Variants in NAV2 observed in about 807,000 individuals in gnomAD.
NAV2 encodes neuron navigator 2.
Under a neutral mutation model 223.2 loss-of-function variants are expected in NAV2, and 54 were observed. The observed-to-expected ratio is 0.24, with a 90% CI of 0.19 to 0.30. The LOEUF (loss-of-function observed/expected upper bound fraction) is 0.30, where lower values mean the gene tolerates loss of function less well. Ranked by LOEUF, NAV2 falls within the 10% of genes least tolerant of loss-of-function variation. NAV2 has a pLI of 1.00. For missense variants in NAV2, 2,806 were observed against 3,147.5 expected, an observed-to-expected ratio of 0.89 and a Z score of 2.60; for synonymous variants, 1,279 against 1,239.3, an observed-to-expected ratio of 1.03 and a Z score of -0.67.
rs1025282352 is a variant in NAV2, at chr11:19,795,617, G to A, written c.268-36867G>A. On this transcript the variant is annotated intron_variant, in intron 1 of 37. Transcript: ENST00000349880. ...GTGAAACAGAGATTTATAAAGTAAG[G>A]CTAACTCTTATTGATCAGAGAGAAA... Among the ~76,000 whole-genome samples the A allele has an allele frequency of 4.1e-4, 62 of 152,294 alleles. 2 individuals carry two copies. Among genetic ancestry groups the A allele is most frequent in the Admixed American group, 2.9e-3 (45 of 15,294 alleles).
At chr11:19,788,200 T>C (rs182595924) in intron 1 of NAV2, among the ~76,000 whole-genome samples, 2 of 152,300 alleles carry the variant, frequency 1.3e-5, no homozygotes, top group Admixed American at 6.5e-5. Context: ...TATTGCAGGA[T>C]GTTTAGCAAC....
At chr11:19,421,395 G>A (rs944143008) in intron 1 of NAV2, among the ~76,000 whole-genome samples, 23 of 152,140 alleles carry the variant, frequency 1.5e-4, no homozygotes, top group Admixed American at 1.2e-3. Context: ...GGGAAGGGCC[G>A]AGACTCACAG....
intron 1 of NAV2, among the ~76,000 whole-genome samples, chr11:19,699,018 G>C (rs756890219): frequency 2.0e-5 from 3 of 152,170 alleles, no homozygotes; most frequent in Non-Finnish European, 4.4e-5. Context: ...CCTACTTCCA[G>C]CCACCTGCTA....
At chr11:19,512,179 G>C (rs1332964617) in intron 1 of NAV2, among the ~76,000 whole-genome samples, 1 of 152,186 alleles carries the variant, frequency 6.6e-6, no homozygotes, top group Non-Finnish European at 1.5e-5. Flanking sequence ...TTGGGACTCT[G>C]AGGGGTGGAA....
intron 1 of NAV2, among the ~76,000 whole-genome samples, chr11:19,704,783 C>T (rs1236484289): frequency 2.0e-5 from 3 of 152,054 alleles, no homozygotes; most frequent in Non-Finnish European, 2.9e-5. Context: ...GAGGCCGAGG[C>T]GGGTGGATCA....
rs947900183 is a variant in NAV2 at position 20,048,844 on chromosome 11, C to G, written c.4019C>G (p.Ser1340Cys). 1 of 1,614,162 alleles carries G rather than the reference C, an allele frequency of 6.2e-7. No homozygotes were observed. The highest frequency in any genetic ancestry group is 1.1e-5 in the South Asian group (1 of 91,074). ...ATGACTCAGCAAGGTAACCTAGACT[C>G]CCCGTCAGGCAGTGGCGTCCTGAGC... is the stretch of plus-strand genomic sequence containing the variant. ...ATMTQQGNLD[S>C]PSGSGVLSSG... The change falls in exon 15 of 38, where the codon TCC (serine) becomes TGC (cysteine). Residue 1340 changes from serine to cysteine, a missense_variant. Physicochemically the swap from Ser to Cys is moderately radical, Grantham distance 112. Transcript: ENST00000349880.
chr11:19,480,287 C>CAT (rs570250883), intron 1 of NAV2, among the ~76,000 whole-genome samples: 122 of 152,244 alleles, frequency 8.0e-4, no homozygotes, highest in African/African-American at 2.9e-3. Flanking sequence ...TTTCTTGAAG[C>CAT]ATCTTTGAGG....
chr11:19,820,428 G>C (rs2059309851), intron 1 of NAV2, among the ~76,000 whole-genome samples: 1 of 152,262 alleles, frequency 6.6e-6, no homozygotes, highest in African/African-American at 2.4e-5. Flanking sequence ...GTGGTTAAAA[G>C]TTGTTCAGAT....
chr11:19,580,930 C>T (rs2045697215), intron 1 of NAV2, among the ~76,000 whole-genome samples: 1 of 152,218 alleles, frequency 6.6e-6, no homozygotes, highest in South Asian at 2.1e-4. Context: ...ATAGGATACT[C>T]ATCCTATCCT....
chr11:19,505,458 A>G (rs529782298), intron 1 of NAV2: 1 of 152,224 alleles, frequency 6.6e-6, no homozygotes, highest in Non-Finnish European at 1.5e-5. Context: ...CTTAGTCCTG[A>G]GTTTAAAAAT....
At chr11:19,534,407 A>G (rs2044123913) in intron 1 of NAV2, among the ~76,000 whole-genome samples, 1 of 152,232 alleles carries the variant, frequency 6.6e-6, no homozygotes, top group Non-Finnish European at 1.5e-5. Flanking sequence ...CCTACTCAAC[A>G]GCACCAGGCT....
At chr11:19,671,609 A>C (rs1344179811) in intron 1 of NAV2, among the ~76,000 whole-genome samples, 3 of 152,184 alleles carry the variant, frequency 2.0e-5, no homozygotes, top group African/African-American at 7.2e-5. Flanking sequence ...TGTTTCCTGC[A>C]CAAGACTGAG....
chr11:19,941,414 CTA>C (rs1165058197), intron 8 of NAV2, among the ~76,000 whole-genome samples: 1 of 110,632 alleles, frequency 9.0e-6, no homozygotes, highest in East Asian at 4.0e-4. Flanking sequence ...ACACATGTGA[CTA>C]TGTTGAATTT....
At chr11:19,739,133 G>A (rs901324365) in intron 1 of NAV2, among the ~76,000 whole-genome samples, 2 of 152,164 alleles carry the variant, frequency 1.3e-5, no homozygotes, top group East Asian at 1.9e-4. Flanking sequence ...AGTGAACCAC[G>A]ATTGTGCCAC....
chr11:19,446,386 C>T (rs1321513076), intron 1 of NAV2, among the ~76,000 whole-genome samples: 1 of 152,100 alleles, frequency 6.6e-6, no homozygotes, highest in Non-Finnish European at 1.5e-5. Context: ...CCTCCCAGTT[C>T]CTTTTAGTAT....
chr11:19,851,894 TATA>T (rs60032163), intron 3 of NAV2, among the ~76,000 whole-genome samples: 24,065 of 152,198 alleles, frequency 0.16, 2,309 homozygotes, highest in South Asian at 0.37. Flanking sequence ...CAAGCATTCT[TATA>T]AGACAGAGGC....
chr11:19,451,584 A>C (rs942930802), intron 1 of NAV2, among the ~76,000 whole-genome samples: 1 of 152,222 alleles, frequency 6.6e-6, no homozygotes, highest in Non-Finnish European at 1.5e-5. Flanking sequence ...CGCAAATACT[A>C]AAATAATTAC....
At chr11:19,399,605 C>G (rs1237032122) in intron 1 of NAV2, among the ~76,000 whole-genome samples, 1 of 152,208 alleles carries the variant, frequency 6.6e-6, no homozygotes. Context: ...GCCCTCAGTA[C>G]TGCAGGGTTA....
At chr11:20,104,726 G>A (rs1287127451) in intron 34 of NAV2, 1 of 152,250 alleles carries the variant, frequency 6.6e-6, no homozygotes, top group Non-Finnish European at 1.5e-5. Context: ...CCAGACCAGA[G>A]TGAGCATTCT....
Sources: gnomAD v4.1 joint callset for allele counts (sites outside exome capture counted in the v4.1 genomes callset) on GRCh38, gnomAD v4.1.1 for gene constraint, MANE v1.5 for transcripts, NCBI Gene and HGNC (gene_info 2026-07-23, HGNC 2026-07-21) for gene names.